The following MNAT1 variants were observed in gnomAD, a reference collection of about 807,000 sequenced individuals.
The protein encoded by MNAT1 is CDK-activating kinase assembly factor MAT1.
MNAT1 carries 43 observed loss-of-function variants against 42.0 expected under a neutral mutation model. The ratio of observed to expected loss-of-function variants is 1.02; its 90% CI spans 0.80 to 1.32. MNAT1 has a LOEUF of 1.32. Ranked by LOEUF, MNAT1 falls within the 40% of genes most tolerant of loss-of-function variation. The pLI is 0.00. For synonymous variants in MNAT1, 118 were observed against 120.0 expected (o/e 0.98, Z 0.11); for missense variants, 306 against 350.4 (o/e 0.87, Z 1.01).
At chr14:60,742,468 G>T (rs770765926) in intron 1 of MNAT1, among the ~76,000 whole-genome samples, 1 of 151,974 alleles carries the variant, frequency 6.6e-6, no homozygotes, top group Admixed American at 6.6e-5. Context: ...TGTTATTTTT[G>T]CTTTAAACAG....
At chr14:60,829,828 A>G (rs2033163956) in intron 6 of MNAT1, among the ~76,000 whole-genome samples, 2 of 152,222 alleles carry the variant, frequency 1.3e-5, no homozygotes, top group South Asian at 2.1e-4. Flanking sequence ...AGTATTCTAC[A>G]TACTGTATAC....
chr14:60,784,027 G>A (rs1199437868), intron 1 of MNAT1, among the ~76,000 whole-genome samples: 3 of 151,554 alleles, frequency 2.0e-5, no homozygotes, highest in African/African-American at 7.3e-5. Flanking sequence ...TTTAATTTGA[G>A]ATGGAGTCTT....
chr14:60,962,420 A>T (rs903570130), intron 7 of MNAT1, among the ~76,000 whole-genome samples: 2 of 152,188 alleles, frequency 1.3e-5, no homozygotes, highest in Non-Finnish European at 2.9e-5. Context: ...GACAGAATCT[A>T]TCCTTAGAGG....
chr14:60,860,712 T>A (rs2034076756), intron 6 of MNAT1, among the ~76,000 whole-genome samples: 1 of 152,144 alleles, frequency 6.6e-6, no homozygotes, highest in Admixed American at 6.5e-5. Context: ...TGTTCAGAAC[T>A]CTAAAGCCCC....
At chr14:60,903,450 C>T (rs929898658) in intron 7 of MNAT1, among the ~76,000 whole-genome samples, 1 of 152,062 alleles carries the variant, frequency 6.6e-6, no homozygotes, top group Non-Finnish European at 1.5e-5. Flanking sequence ...TTGAGGCAAT[C>T]TATAATACTT....
At chr14:60,942,545 A>G (rs1594896983) in intron 7 of MNAT1, among the ~76,000 whole-genome samples, 1 of 151,176 alleles carries the variant, frequency 6.6e-6, no homozygotes, top group Admixed American at 6.6e-5. Flanking sequence ...TTCCACTATC[A>G]GTGCCTAAGA....
At chr14:60,758,561 G>A (rs1261915809) in intron 1 of MNAT1, among the ~76,000 whole-genome samples, 4 of 151,384 alleles carry the variant, frequency 2.6e-5, no homozygotes, top group African/African-American at 9.7e-5. Context: ...AATTAACATG[G>A]ATACTGCTTA....
At chr14:60,930,940 C>G (rs187397249) in intron 7 of MNAT1, among the ~76,000 whole-genome samples, 3 of 152,246 alleles carry the variant, frequency 2.0e-5, no homozygotes, top group East Asian at 3.9e-4. Flanking sequence ...ACCATACACT[C>G]TTAGTAATAG....
intron 7 of MNAT1, among the ~76,000 whole-genome samples, chr14:60,923,546 T>C (rs1218798231): frequency 3.9e-5 from 6 of 152,254 alleles, no homozygotes; most frequent in African/African-American, 1.2e-4. Context: ...TCATTTACAG[T>C]ATTTCATAAC....
intron 7 of MNAT1, among the ~76,000 whole-genome samples, chr14:60,918,072 G>C (rs1361516735): frequency 6.6e-6 from 1 of 151,300 alleles, no homozygotes; most frequent in Non-Finnish European, 1.5e-5. Context: ...TAAAACCTTT[G>C]AAAACTTTGA....
chr14:60,863,204 G>A (rs1202354477), intron 6 of MNAT1, among the ~76,000 whole-genome samples: 1 of 152,070 alleles, frequency 6.6e-6, no homozygotes, highest in Non-Finnish European at 1.5e-5. Context: ...AAGATCCCAG[G>A]ACTCCAGCCA....
intron 7 of MNAT1, among the ~76,000 whole-genome samples, chr14:60,922,021 T>C (rs964454171): frequency 6.6e-6 from 1 of 152,180 alleles, no homozygotes; most frequent in Non-Finnish European, 1.5e-5. Context: ...AATTTTTGAA[T>C]AATTTTACAG....
chr14:60,796,645 T>C (rs2032028551), intron 2 of MNAT1, among the ~76,000 whole-genome samples: 1 of 152,216 alleles, frequency 6.6e-6, no homozygotes. Flanking sequence ...TAAACACTAC[T>C]ATGTGTAAAC....
At chr14:60,908,242 T>A (rs531779581) in intron 7 of MNAT1, among the ~76,000 whole-genome samples, 1 of 152,342 alleles carries the variant, frequency 6.6e-6, no homozygotes, top group African/African-American at 2.4e-5. Flanking sequence ...AATTTTTTTA[T>A]TGGAATAATT....
At chr14:60,736,305 T>G (rs944899356) in intron 1 of MNAT1, among the ~76,000 whole-genome samples, 7 of 152,008 alleles carry the variant, frequency 4.6e-5, no homozygotes, top group African/African-American at 1.2e-4. Flanking sequence ...TTTTTTTTTT[T>G]GGGAAGGATA....
chr14:60,796,357 A>C lies in MNAT1; in HGVS notation c.230A>C (p.Lys77Thr). The change falls in exon 2 of 8, where the codon AAA (lysine) becomes ACA (threonine). Residue 77 changes from lysine to threonine, a missense_variant. This residue lies in a region of MNAT1 where 72 missense variants were observed against 111.0 expected (regional missense o/e 0.65). Coordinates refer to ENST00000261245, the MANE Select transcript of MNAT1 (RefSeq NM_002431.4). ...GACAAGGAGGTTGAGATCAGGAAAA[A>C]AGTGCTAAAGATGTAAGTATTCCTG... ...TVDKEVEIRK[K>T]VLKIYNKREE... 1 of 1,612,572 alleles carries C rather than the reference A, an allele frequency of 6.2e-7. No homozygotes were observed. Among genetic ancestry groups the C allele is most frequent in the African/African-American group, 1.3e-5 (1 of 74,984 alleles).
chr14:60,813,093 G>T (rs570317961), intron 5 of MNAT1, among the ~76,000 whole-genome samples: 12 of 152,306 alleles, frequency 7.9e-5, no homozygotes, highest in Admixed American at 5.9e-4. Context: ...CTTCCCCTGG[G>T]GCTTTGGGGT....
chr14:60,828,925 G>A (rs1187545646), intron 6 of MNAT1, among the ~76,000 whole-genome samples: 1 of 152,124 alleles, frequency 6.6e-6, no homozygotes, highest in Non-Finnish European at 1.5e-5. Flanking sequence ...GGGAAGGGAC[G>A]TGCATCTTCC....
intron 7 of MNAT1, among the ~76,000 whole-genome samples, chr14:60,919,059 G>A (rs760198893): frequency 2.6e-5 from 4 of 152,060 alleles, no homozygotes; most frequent in South Asian, 4.2e-4. Context: ...GCTACACACC[G>A]AGAGAGACAG....
Sources: gnomAD v4.1 joint callset for allele counts (sites outside exome capture counted in the v4.1 genomes callset) on GRCh38, gnomAD v4.1.1 for gene constraint, gnomAD v4.1.1 regional missense constraint, MANE v1.5 for transcripts, NCBI Gene and HGNC (gene_info 2026-07-23, HGNC 2026-07-21) for gene names.